The following CDH12 variants were observed in gnomAD, a reference collection of about 807,000 sequenced individuals.
The protein encoded by CDH12 is cadherin-12.
A neutral mutation model predicts 74.1 loss-of-function variants in CDH12; 41 were observed. The ratio of observed to expected loss-of-function variants is 0.55; its 90% CI spans 0.43 to 0.72. The LOEUF is 0.72. Among genes scored for constraint, CDH12 ranks in the 30% least tolerant of loss-of-function variants. The pLI is 0.00. For synonymous variants in CDH12, 399 were observed against 355.0 expected (o/e 1.12, Z -1.39); for missense variants, 945 against 977.2 (o/e 0.97, Z 0.44).
At chr5:22,543,182 T>C (rs1738178035) in intron 1 of CDH12, among the ~76,000 whole-genome samples, 1 of 152,138 alleles carries the variant, frequency 6.6e-6, no homozygotes, top group African/African-American at 2.4e-5. Flanking sequence ...CCATTTACAA[T>C]ACAGAGTTAA....
intron 6 of CDH12, among the ~76,000 whole-genome samples, chr5:21,880,424 T>C (rs1389582014): frequency 3.3e-5 from 5 of 152,184 alleles, no homozygotes; most frequent in Non-Finnish European, 7.3e-5. Context: ...GGGTGCTCTA[T>C]ATACAATGCT....
In CDH12 at chr5:21,755,905, G is replaced by A. The variant is rs1051951097; in HGVS notation, c.1634-63C>T. 27 of 1,493,728 alleles carry A rather than the reference G, an allele frequency of 1.8e-5. No individual in the cohort carries two copies. The South Asian group carries it at 2.5e-4, about 14-fold the overall frequency. The allele number at this position is 1,493,728 out of a possible 1,614,324, so 92.5% of individuals were successfully genotyped here. On this transcript the variant is annotated intron_variant, in intron 13 of 14. Coordinates refer to ENST00000382254, the MANE Select transcript of CDH12 (RefSeq NM_004061.5). ...AAGCTTCACTTCAAATCTTCAAGTTGGTATCTGCTCAATAGTAAGAAGCTC... is the reference window on the plus strand; with the variant it reads ...AAGCTTCACTTCAAATCTTCAAGTTAGTATCTGCTCAATAGTAAGAAGCTC...
chr5:22,495,754 G>C (rs926019411), intron 2 of CDH12, among the ~76,000 whole-genome samples: 3 of 98,104 alleles, frequency 3.1e-5, no homozygotes, highest in South Asian at 7.2e-4. Flanking sequence ...TAAGAATGCA[G>C]TGAAATCTAT....
intron 2 of CDH12, among the ~76,000 whole-genome samples, chr5:22,447,475 T>G (rs566243571): frequency 4.2e-4 from 64 of 152,232 alleles, no homozygotes; most frequent in Admixed American, 2.6e-4. Flanking sequence ...TGAATTGATA[T>G]AAAAAATTCT....
At chr5:22,324,271 G>A (rs188049538) in intron 3 of CDH12, among the ~76,000 whole-genome samples, 2 of 151,916 alleles carry the variant, frequency 1.3e-5, no homozygotes. Context: ...TTCATTTTAA[G>A]GTTATGGAAT....
At chr5:22,584,938 A>T (rs946731051) in intron 1 of CDH12, among the ~76,000 whole-genome samples, 3 of 152,142 alleles carry the variant, frequency 2.0e-5, no homozygotes, top group Non-Finnish European at 2.9e-5. Flanking sequence ...TATTTATCTT[A>T]AAAAAATTTA....
chr5:22,062,712 G>A (rs1413994560), intron 5 of CDH12, among the ~76,000 whole-genome samples: 1 of 152,118 alleles, frequency 6.6e-6, no homozygotes, highest in East Asian at 1.9e-4. Flanking sequence ...GTTTGCATGA[G>A]GTTCGAAATA....
chr5:22,499,840 C>A lies in CDH12; in HGVS notation c.-428+5430G>T, dbSNP rs542537817. On this transcript the variant is annotated intron_variant, in intron 2 of 14. Coordinates refer to ENST00000382254, the MANE Select transcript of CDH12 (RefSeq NM_004061.5). ...TATGAACGAAAATATATTCCAATGCCAAATATATATAAAAAATTATCTGCC... is the reference window on the plus strand; with the variant it reads ...TATGAACGAAAATATATTCCAATGCAAAATATATATAAAAAATTATCTGCC... Among the ~76,000 whole-genome samples the A allele has an allele frequency of 7.9e-5, 12 of 152,080 alleles. No individual in the cohort carries two copies. In the South Asian group the frequency reaches 2.3e-3, roughly 29 times the overall value.
At chr5:22,030,180 G>C (rs552642697) in intron 5 of CDH12, among the ~76,000 whole-genome samples, 2 of 151,286 alleles carry the variant, frequency 1.3e-5, no homozygotes, top group Non-Finnish European at 2.9e-5. Context: ...TGAGTTAATG[G>C]GTGCAACACA....
At chr5:22,140,710 A>G (rs537304122) in intron 4 of CDH12, among the ~76,000 whole-genome samples, 59 of 152,288 alleles carry the variant, frequency 3.9e-4, no homozygotes, top group African/African-American at 1.1e-3. Context: ...GAAAATCCCA[A>G]GAATCTTTAT....
At chr5:22,691,649 A>G (rs953059221) in intron 1 of CDH12, among the ~76,000 whole-genome samples, 4 of 152,218 alleles carry the variant, frequency 2.6e-5, no homozygotes, top group Non-Finnish European at 5.9e-5. Context: ...ATCTGGGCCT[A>G]TAATGCCTCC....
chr5:21,769,016 G>C (rs1745176704), intron 11 of CDH12, among the ~76,000 whole-genome samples: 1 of 151,946 alleles, frequency 6.6e-6, no homozygotes, highest in South Asian at 2.1e-4. Flanking sequence ...AGAACAAAAT[G>C]TTACAAGGCT....
At chr5:22,690,335 C>T (rs982231690) in intron 1 of CDH12, among the ~76,000 whole-genome samples, 9 of 152,100 alleles carry the variant, frequency 5.9e-5, no homozygotes, top group African/African-American at 1.9e-4. Flanking sequence ...TATCTATTCA[C>T]AGTACTGTAT....
At chr5:22,542,579 G>A (rs1235767493) in intron 1 of CDH12, among the ~76,000 whole-genome samples, 1 of 152,084 alleles carries the variant, frequency 6.6e-6, no homozygotes, top group Non-Finnish European at 1.5e-5. Context: ...CTTAAGAGTA[G>A]CACTTTGACT....
chr5:22,460,294 T>C (rs1745446268), intron 2 of CDH12, among the ~76,000 whole-genome samples: 1 of 152,218 alleles, frequency 6.6e-6, no homozygotes, highest in Non-Finnish European at 1.5e-5. Context: ...CCCAGACTTA[T>C]TCATCTTACA....
At chr5:22,119,285 G>GTTTTTTTT (rs397996987) in intron 4 of CDH12, among the ~76,000 whole-genome samples, 1 of 99,034 alleles carries the variant, frequency 1.0e-5, no homozygotes, top group African/African-American at 3.9e-5. Flanking sequence ...CTTCTACTTC[G>GTTTTTTTT]TTTTTTTTTT....
At chr5:22,274,145 C>A (rs1231208748) in intron 3 of CDH12, among the ~76,000 whole-genome samples, 1 of 151,766 alleles carries the variant, frequency 6.6e-6, no homozygotes, top group African/African-American at 2.4e-5. Context: ...ACAATAATAC[C>A]TAAAAATTAT....
intron 3 of CDH12, among the ~76,000 whole-genome samples, chr5:22,332,872 T>C (rs904320157): frequency 2.0e-5 from 3 of 151,852 alleles, no homozygotes; most frequent in Non-Finnish European, 4.4e-5. Flanking sequence ...TTGGTGGGAG[T>C]GTAAATTAGT....
intron 3 of CDH12, among the ~76,000 whole-genome samples, chr5:22,279,537 G>A (rs769893358): frequency 1.4e-4 from 21 of 150,738 alleles, no homozygotes; most frequent in African/African-American, 2.4e-4. Context: ...TCCCCCCACC[G>A]CACAACAGGT....
Sources: gnomAD v4.1 joint callset for allele counts (sites outside exome capture counted in the v4.1 genomes callset) on GRCh38, gnomAD v4.1.1 for gene constraint, MANE v1.5 for transcripts, NCBI Gene and HGNC (gene_info 2026-07-23, HGNC 2026-07-21) for gene names.